Variants in DIP2C observed in about 807,000 individuals in gnomAD.
The protein encoded by DIP2C is disco-interacting protein 2 homolog C.
In DIP2C, 33 loss-of-function variants were observed where a neutral mutation model predicts 192.4. The ratio of observed to expected loss-of-function variants is 0.17; its 90% CI spans 0.13 to 0.23. DIP2C has a LOEUF of 0.23. DIP2C is among the 10% of genes least tolerant of loss of function. DIP2C has a pLI of 1.00. For synonymous variants in DIP2C, 979 were observed against 864.1 expected, an observed-to-expected ratio of 1.13 and a Z score of -2.33; for missense variants, 1,537 against 2,110.1, an observed-to-expected ratio of 0.73 and a Z score of 5.32.
intron 28 of DIP2C, among the ~76,000 whole-genome samples, chr10:342,532 G>T (rs755028961): frequency 2.6e-5 from 4 of 152,172 alleles, no homozygotes; most frequent in Non-Finnish European, 5.9e-5. Context: ...GCTGGTCGAG[G>T]CCCTGTCTTA....
At chr10:326,058 G>GTA (rs1957258960) in intron 31 of DIP2C, among the ~76,000 whole-genome samples, 1 of 152,048 alleles carries the variant, frequency 6.6e-6, no homozygotes, top group Admixed American at 6.6e-5. Context: ...GTGTGCACCT[G>GTA]TAGTCCCAGC....
At chr10:417,680 GCCTCCCTGTCCGCCTGTGCCTGTCGGCT>G in intron 6 of DIP2C, among the ~76,000 whole-genome samples, 3 of 122,592 alleles carry the variant, frequency 2.4e-5, no homozygotes, top group Admixed American at 8.3e-5. Context: ...GCTCGGATAG[GCCTCCCTGTCCGCCTGTGCCTGTCGGCT>G]CAAATAGGCC....
At chr10:502,999 CTTATTACAA>C (rs1175440675) in intron 1 of DIP2C, among the ~76,000 whole-genome samples, 1 of 151,564 alleles carries the variant, frequency 6.6e-6, no homozygotes, top group African/African-American at 2.4e-5. Context: ...GACCTGCAGA[CTTATTACAA>C]TTCCAGCATA....
intron 1 of DIP2C, among the ~76,000 whole-genome samples, chr10:623,039 T>C (rs887849622): frequency 2.0e-5 from 3 of 152,258 alleles, no homozygotes; most frequent in Non-Finnish European, 2.9e-5. Context: ...AGAGGAATGA[T>C]TCTGTGTTGG....
At chr10:668,311 G>A (rs1857237533) in intron 1 of DIP2C, 1 of 150,472 alleles carries the variant, frequency 6.6e-6, no homozygotes, top group South Asian at 2.1e-4. Context: ...TACAACACAT[G>A]CAACTCAACA....
intron 1 of DIP2C, among the ~76,000 whole-genome samples, chr10:658,266 C>A (rs1856528213): frequency 6.6e-6 from 1 of 150,928 alleles, no homozygotes; most frequent in African/African-American, 2.4e-5. Flanking sequence ...TGATGCTGGA[C>A]CTGCCCCTGG....
At chr10:429,744 A>C (rs182378282) in intron 4 of DIP2C, among the ~76,000 whole-genome samples, 63 of 151,834 alleles carry the variant, frequency 4.1e-4, no homozygotes, top group African/African-American at 1.4e-3. Context: ...ATAATATCCC[A>C]TTGTCTGTAT....
intron 1 of DIP2C, among the ~76,000 whole-genome samples, chr10:626,573 G>A (rs952515588): frequency 3.3e-5 from 5 of 151,964 alleles, no homozygotes; most frequent in African/African-American, 4.8e-5. Flanking sequence ...CCTGTTCACC[G>A]AGAGCATGTC....
intron 29 of DIP2C, among the ~76,000 whole-genome samples, chr10:336,139 T>A (rs952738850): frequency 6.6e-6 from 1 of 151,672 alleles, no homozygotes; most frequent in Non-Finnish European, 1.5e-5. Context: ...GAGGCTGAGG[T>A]GGGAGGATAG....
rs993632469 is a variant in DIP2C, at chr10:329,571, G to T, written c.3615C>A (p.Ile1205=). Residue 1205 remains isoleucine, a synonymous_variant, in exon 30 of 37, where the codon ATC becomes ATA. Transcript: ENST00000280886. Reference sequence around the variant, plus strand: ...GGTTGGTTTCCAGCTCAGAGGGCGGGATCAGGATGGACTGGTGCCCAGAAT... The same window carrying T: ...GGTTGGTTTCCAGCTCAGAGGGCGGTATCAGGATGGACTGGTGCCCAGAAT... ...SVYSGHQSIL[I]PPSELETNPA... 4 of 1,614,076 alleles carry T rather than the reference G, an allele frequency of 2.5e-6. No individual in the cohort carries two copies. The African/African-American group carries it at 5.3e-5, about 22-fold the overall frequency.
chr10:343,058 G>A (rs1958236749), intron 28 of DIP2C, among the ~76,000 whole-genome samples: 1 of 152,206 alleles, frequency 6.6e-6, no homozygotes, highest in Non-Finnish European at 1.5e-5. Context: ...GGGAGGCCGA[G>A]GCGGGCAGAT....
At chr10:586,076 A>G (rs1851004501) in intron 1 of DIP2C, among the ~76,000 whole-genome samples, 1 of 152,180 alleles carries the variant, frequency 6.6e-6, no homozygotes. Context: ...GGAGTTCCTG[A>G]GCACCAACCA....
intron 17 of DIP2C, among the ~76,000 whole-genome samples, chr10:381,090 G>A (rs1962330477): frequency 6.6e-6 from 1 of 152,176 alleles, no homozygotes; most frequent in Non-Finnish European, 1.5e-5. Context: ...GGTAACGAAA[G>A]GTACAGGTTC....
Position 276,971 on chromosome 10 carries a change from ATTT to A in DIP2C, c.*351_*353del, listed in dbSNP as rs1229926665. 9.1e-6 allele frequency: 2 copies of A among 218,888 alleles called. No homozygotes were observed. Among genetic ancestry groups the A allele is most frequent in the African/African-American group, 4.6e-5 (2 of 43,432 alleles). The allele number at this position is 218,888 out of a possible 1,614,324, so 13.6% of individuals were successfully genotyped here. On this transcript the variant is annotated 3_prime_UTR_variant, in exon 37 of 37. Coordinates refer to ENST00000280886, the MANE Select transcript of DIP2C (RefSeq NM_014974.3). ...AAAGAACCCATCTGGAGGGCAGGAT[ATTT>A]TTTTAATTGCTATTTCGGCTTAACA...
intron 1 of DIP2C, among the ~76,000 whole-genome samples, chr10:572,185 C>A (rs970287957): frequency 6.6e-6 from 1 of 152,240 alleles, no homozygotes; most frequent in Non-Finnish European, 1.5e-5. Context: ...TGGCTCCACA[C>A]GCCAGTGTTC....
intron 3 of DIP2C, among the ~76,000 whole-genome samples, chr10:457,165 T>C (rs889810661): frequency 6.6e-6 from 1 of 152,214 alleles, no homozygotes; most frequent in African/African-American, 2.4e-5. Flanking sequence ...ACAAGCGTGA[T>C]GACTTCCAAG....
rs573713779 is a variant in DIP2C at position 436,798 on chromosome 10, G to A, written c.394+4073C>T. 5.3e-3 allele frequency among the ~76,000 whole-genome samples: 480 copies of A among 89,874 alleles called. 2 individuals are homozygous for A. The highest frequency in any genetic ancestry group is 8.9e-3 in the South Asian group (24 of 2,706). The allele number at this position is 89,874 out of a possible 152,430, so 59.0% of individuals were successfully genotyped here. A position where few individuals can be genotyped will look rare whatever the true frequency, so the allele number is the denominator to read the frequency against. On this transcript the variant is annotated intron_variant, in intron 4 of 36. Coordinates refer to ENST00000280886, the MANE Select transcript of DIP2C (RefSeq NM_014974.3). The stretch of plus-strand genomic sequence containing the variant: ...CACACCTGAGCTCTCTCTGAGCTCC[G>A]CCTCCTGGACATGGTAGGGTGATAT...
At chr10:688,858 C>A (rs1184489746) in intron 1 of DIP2C, among the ~76,000 whole-genome samples, 1 of 152,250 alleles carries the variant, frequency 6.6e-6, no homozygotes, top group Admixed American at 6.5e-5. Flanking sequence ...CGATTCCGCC[C>A]AGCCCTCCCC....
Position 525,045 on chromosome 10 carries a change from T to C in DIP2C, c.86-38515A>G, listed in dbSNP as rs56066621. ...TCCAGGATATTCTGAAGGGTTCAACTTACATTTAAATTATCTCATGTATTT... is the reference window on the plus strand; with the variant it reads ...TCCAGGATATTCTGAAGGGTTCAACCTACATTTAAATTATCTCATGTATTT... On this transcript the variant is annotated intron_variant, in intron 1 of 36. Transcript: ENST00000280886. 7.7e-3 allele frequency among the ~76,000 whole-genome samples: 1,165 copies of C among 150,680 alleles called. 19 individuals are homozygous for C. Among genetic ancestry groups the C allele is most frequent in the African/African-American group, 0.027 (1,089 of 40,670 alleles).
Sources: allele counts gnomAD v4.1 joint callset (sites outside exome capture counted in the v4.1 genomes callset), GRCh38; gene constraint gnomAD v4.1.1; transcripts MANE v1.5; gene names NCBI Gene and HGNC (gene_info 2026-07-23, HGNC 2026-07-21).